The following ACLY variants were observed in gnomAD, a reference collection of about 807,000 sequenced individuals.
The protein encoded by ACLY is ATP citrate lyase, also known as ATP-citrate synthase.
In ACLY, 41 loss-of-function variants were observed where a neutral mutation model predicts 133.0. That is an observed-to-expected ratio of 0.31 (90% CI 0.24 to 0.40). The LOEUF is 0.40. ACLY is among the 10% of genes least tolerant of loss of function. The pLI is 1.00. For synonymous variants in ACLY, 495 were observed against 549.3 expected (o/e 0.90, Z 1.38); for missense variants, 1,046 against 1,453.8 (o/e 0.72, Z 4.56).
chr17:41,913,299 G>A (rs901387277), intron 2 of ACLY, among the ~76,000 whole-genome samples: 25 of 152,210 alleles, frequency 1.6e-4, no homozygotes, highest in African/African-American at 6.0e-4. Flanking sequence ...GGAGGAGAGG[G>A]CACATCCCTA....
intron 27 of ACLY, 127 bp downstream of exon 27, chr17:41,868,916 G>A: frequency 7.4e-7 from 1 of 1,359,364 alleles, no homozygotes; most frequent in South Asian, 1.2e-5. Context: ...GGCAATTTTT[G>A]TTTTCTTCTT....
At chr17:41,915,244 G>A (rs1934726005) in intron 1 of ACLY, among the ~76,000 whole-genome samples, 1 of 152,172 alleles carries the variant, frequency 6.6e-6, no homozygotes, top group South Asian at 2.1e-4. Flanking sequence ...GGGGAATCGG[G>A]GGAGGTGGGC....
chr17:41,881,634 C>G (rs2048920234), intron 20 of ACLY, among the ~76,000 whole-genome samples: 3 of 152,104 alleles, frequency 2.0e-5, no homozygotes, highest in Admixed American at 1.3e-4. Context: ...TTGCCCAGGT[C>G]TACCAAGATC....
intron 11 of ACLY, among the ~76,000 whole-genome samples, chr17:41,901,369 A>T (rs1457629659): frequency 6.6e-6 from 1 of 152,054 alleles, no homozygotes; most frequent in African/African-American, 2.4e-5. Context: ...CCCCTGACAT[A>T]GCAGTTTGTG....
chr17:41,875,312 T>G, intron 22 of ACLY, among the ~76,000 whole-genome samples: 1 of 144,944 alleles, frequency 6.9e-6, no homozygotes, highest in Admixed American at 7.1e-5. Context: ...ATCGCACCAT[T>G]GCACTCCAGC....
intron 20 of ACLY, 43 bp from the exon 21 acceptor site, chr17:41,878,967 A>G: frequency 6.2e-7 from 1 of 1,612,396 alleles, no homozygotes; most frequent in Non-Finnish European, 8.5e-7. Context: ...ATCCCCCAAG[A>G]GTGAACATAG....
At chr17:41,894,801 A>G (rs1391095257) in intron 14 of ACLY, among the ~76,000 whole-genome samples, 1 of 152,126 alleles carries the variant, frequency 6.6e-6, no homozygotes, top group Non-Finnish European at 1.5e-5. Context: ...CAAGAGGAGG[A>G]AAGCAGCCCT....
In ACLY at chr17:41,873,930, C is replaced by A; in HGVS notation, c.2523G>T (p.Met841Ile). 2 of 1,608,432 alleles carry A rather than the reference C, an allele frequency of 1.2e-6. No homozygotes were observed. Among genetic ancestry groups the A allele is most frequent in the South Asian group, 2.2e-5 (2 of 90,708 alleles). The change falls in exon 23 of 29, where the codon ATG becomes ATT. Residue 841 changes from methionine (M) to isoleucine (I), a missense_variant. Transcript: ENST00000352035. ...LGLIRKPASF[M>I]TSICDERGQE... ...GTCCTCGCTCATCGCAGATGCTGGT[C>A]ATGAACGAGGCAGGTTTGCGGATCA...
In ACLY at chr17:41,893,168, C is replaced by T. The variant is rs782499809; in HGVS notation, c.1466G>A (p.Ser489Asn). 24 of 1,612,576 alleles carry T rather than the reference C, an allele frequency of 1.5e-5. No homozygotes were observed. Among genetic ancestry groups the T allele is most frequent in the Non-Finnish European group, 2.0e-5 (24 of 1,179,106 alleles). Residue 489 changes from serine (S) to asparagine (N), a missense_variant, in exon 15 of 29, where the codon AGC becomes AAC. Coordinates refer to ENST00000352035, the MANE Select transcript of ACLY (RefSeq NM_001096.3). ...GGTGTGGCGGCTGAAGAGGGTGGTG[C>T]TCTTTCCTGGTGGGCAAAGACACAG... ...VPSPRSLQGKSTTLFSRHTKA... is the reference protein window; with the variant it reads ...VPSPRSLQGKNTTLFSRHTKA...
chr17:41,898,142 CA>C (rs1181435971), intron 12 of ACLY, among the ~76,000 whole-genome samples: 1 of 152,164 alleles, frequency 6.6e-6, no homozygotes, highest in Non-Finnish European at 1.5e-5. Context: ...GACGAATTCT[CA>C]CTCTGTTGCT....
chr17:41,887,780 C>T (rs747872514), intron 16 of ACLY, 77 bp from the exon 17 acceptor site: 8 of 1,162,356 alleles, frequency 6.9e-6, no homozygotes, highest in Non-Finnish European at 3.9e-6. Flanking sequence ...TTTAAGGGCC[C>T]ACCTCCCATT....
chr17:41,917,086 G>A (rs1307349322), intron 1 of ACLY, among the ~76,000 whole-genome samples: 2 of 140,134 alleles, frequency 1.4e-5, no homozygotes, highest in East Asian at 2.1e-4. Flanking sequence ...GCAGTGAACC[G>A]AGATCCACCA....
chr17:41,901,699 C>T lies in ACLY; in HGVS notation c.1180G>A (p.Val394Ile), dbSNP rs2049546443. The change falls in exon 11 of 29, where the codon GTC becomes ATC. Residue 394 changes from valine (V) to isoleucine (I), a missense_variant. Physicochemically the swap from Val to Ile is conservative, Grantham distance 29. This residue lies in a region of ACLY where 575 missense variants were observed against 804.2 expected (regional missense o/e 0.71). Coordinates refer to ENST00000352035, the MANE Select transcript of ACLY (RefSeq NM_001096.3). ...AGAGAAAAGGTCCTCATCTTACCGA[C>T]TTCTCCCATCACCCGTAAGCCCTCC... is the stretch of plus-strand genomic sequence containing the variant. ...YQEGLRVMGEVGKTTGIPIHV... is the reference protein window; with the variant it reads ...YQEGLRVMGEIGKTTGIPIHV... 6.2e-7 allele frequency: 1 copy of T among 1,611,036 alleles called. No individual in the cohort carries two copies. The highest frequency in any genetic ancestry group is 1.1e-5 in the South Asian group (1 of 90,804).
At chr17:41,925,099 G>T (rs1254158159) in intron 1 of ACLY, among the ~76,000 whole-genome samples, 1 of 151,550 alleles carries the variant, frequency 6.6e-6, no homozygotes, top group African/African-American at 2.4e-5. Context: ...GAAGTGGCGC[G>T]ATCTCCGCTC....
At chr17:41,892,574 T>C (rs2049244473) in intron 15 of ACLY, 127 bp from the exon 16 acceptor site, 5 of 809,388 alleles carry the variant, frequency 6.2e-6, no homozygotes, top group Admixed American at 2.7e-5. Context: ...AGAATTTTCA[T>C]CTAAGGGACA....
At chr17:41,895,469 G>C (rs4458050) in intron 14 of ACLY, among the ~76,000 whole-genome samples, 109,020 of 152,062 alleles carry the variant, frequency 0.72, 39,836 homozygotes, top group Admixed American at 0.83. Flanking sequence ...AGAGGCTCCA[G>C]AGAGAACCTC....
intron 1 of ACLY, among the ~76,000 whole-genome samples, chr17:41,917,069 G>A (rs542137116): frequency 4.7e-5 from 7 of 148,848 alleles, no homozygotes; most frequent in Admixed American, 2.0e-4. Flanking sequence ...CCCAGGAGGC[G>A]GAGGTTGCAG....
At chr17:41,883,320 T>C in intron 19 of ACLY, 88 bp from the exon 20 acceptor site, 3 of 1,094,680 alleles carry the variant, frequency 2.7e-6, no homozygotes, top group Non-Finnish European at 4.1e-6. Flanking sequence ...TGACACGGGC[T>C]TTGGCCAAAT....
Position 41,886,328 on chromosome 17 carries a change from A to C in ACLY, c.1876-20T>G. On this transcript the variant is annotated intron_variant, in intron 17 of 28. Transcript: ENST00000352035. ...TCCAACCTGTGGGGGCAGAAACCAC[A>C]ATCAGGGAGGAAGGTGACTTCCAGA... The C allele has an allele frequency of 6.3e-7, 1 of 1,586,112 alleles. No homozygotes were observed. Among genetic ancestry groups the C allele is most frequent in the Non-Finnish European group, 8.6e-7 (1 of 1,160,904 alleles).
Sources: allele counts gnomAD v4.1 joint callset (sites outside exome capture counted in the v4.1 genomes callset), GRCh38; gene constraint gnomAD v4.1.1; regional missense constraint gnomAD v4.1.1; transcripts MANE v1.5; gene names NCBI Gene and HGNC (gene_info 2026-07-23, HGNC 2026-07-21).